The following FAM200B variants were observed in gnomAD, a reference collection of about 807,000 sequenced individuals.
FAM200B encodes the protein protein FAM200B.
A neutral mutation model predicts 33.1 loss-of-function variants in FAM200B; 32 were observed. The ratio of observed to expected loss-of-function variants is 0.97; its 90% CI spans 0.73 to 1.30. The LOEUF is 1.30. FAM200B is among the 50% of genes most tolerant of loss of function. The pLI is 0.00. For synonymous variants in FAM200B, 240 were observed against 264.8 expected (o/e 0.91, Z 0.91); for missense variants, 741 against 754.0 (o/e 0.98, Z 0.20).
At chr4:15,655,103 C>T in the FAM200B span, 2 of 949,302 alleles carry the variant, frequency 2.1e-6, no homozygotes, top group Non-Finnish European at 2.7e-6. Flanking sequence ...GGCGACGGCA[C>T]GGGGCTGCGG....
At chr4:15,660,401 TCAAAA>T in the FAM200B span, among the ~76,000 whole-genome samples, 1 of 152,060 alleles carries the variant, frequency 6.6e-6, no homozygotes, top group African/African-American at 2.4e-5. Flanking sequence ...TTTTAAAAAC[TCAAAA>T]CAGAGTACCA....
the FAM200B span, among the ~76,000 whole-genome samples, chr4:15,644,031 G>A: frequency 2.6e-4 from 40 of 152,088 alleles, no homozygotes; most frequent in Non-Finnish European, 5.1e-4. Context: ...GTTCTTGTTC[G>A]GCTTAGTCCA....
chr4:15,684,216 A>G (rs1718616255), intron 1 of FAM200B, among the ~76,000 whole-genome samples: 1 of 152,162 alleles, frequency 6.6e-6, no homozygotes, highest in Admixed American at 6.5e-5. Context: ...ATGGAATCAC[A>G]CTGGTGTACT....
rs547275482 is a variant in FAM200B at position 15,690,104 on chromosome 4, C to A, written c.*1153C>A. 3.0e-5 allele frequency: 5 copies of A among 167,214 alleles called. No homozygotes were observed. Among genetic ancestry groups the A allele is most frequent in the Middle Eastern group, 3.4e-3 (1 of 296 alleles). The allele number at this position is 167,214 out of a possible 1,614,324, so 10.4% of individuals were successfully genotyped here. On this transcript the variant is annotated 3_prime_UTR_variant, in exon 2 of 2. Transcript: ENST00000422728. Reference sequence around the variant, plus strand: ...TAATTATTAAATATGTGGCAAATTTCTTTGCCTTTTTACTTTTAAAAATCT... The same window carrying A: ...TAATTATTAAATATGTGGCAAATTTATTTGCCTTTTTACTTTTAAAAATCT...
the FAM200B span, among the ~76,000 whole-genome samples, chr4:15,664,639 C>T: frequency 7.1e-6 from 1 of 140,622 alleles, no homozygotes; most frequent in Non-Finnish European, 1.5e-5. Context: ...CTCACTGCAA[C>T]CTCTGCCTCC....
At chr4:15,659,456 T>G in the FAM200B span, among the ~76,000 whole-genome samples, 4 of 152,318 alleles carry the variant, frequency 2.6e-5, 1 homozygote. Context: ...CTGGGTAAGA[T>G]TCAGTTCTGG....
At chr4:15,660,082 A>ATT in the FAM200B span, among the ~76,000 whole-genome samples, 2 of 140,500 alleles carry the variant, frequency 1.4e-5, no homozygotes, top group Non-Finnish European at 1.6e-5. Flanking sequence ...TACCCCTGAC[A>ATT]TTTTTTTTTT....
At chr4:15,656,634 A>G in the FAM200B span, among the ~76,000 whole-genome samples, 2 of 152,358 alleles carry the variant, frequency 1.3e-5, no homozygotes, top group East Asian at 1.9e-4. Context: ...GTTAAACCAC[A>G]GACTCTGGAA....
Position 15,688,793 on chromosome 4 carries a change from A to G in FAM200B, c.1816A>G (p.Thr606Ala), listed in dbSNP as rs1338763256. 2 of 1,551,162 alleles carry G rather than the reference A, an allele frequency of 1.3e-6. No homozygotes were observed. Among genetic ancestry groups the G allele is most frequent in the African/African-American group, 2.7e-5 (2 of 73,004 alleles). Residue 606 changes from threonine (T) to alanine (A), a missense_variant, in exon 2 of 2, where the codon ACA (threonine) becomes GCA (alanine). Physicochemically the swap from Thr to Ala is moderately conservative, Grantham distance 58 (BLOSUM62 0). Transcript: ENST00000422728. ...RKSVLLLLPF[T>A]TTSLCELGFS... The stretch of plus-strand genomic sequence containing the variant: ...GAGTGTCCTGCTATTGCTACCATTC[A>G]CAACAACTAGTTTGTGTGAACTAGG...
At chr4:15,658,361 ATGTT>A in the FAM200B span, among the ~76,000 whole-genome samples, 1 of 152,228 alleles carries the variant, frequency 6.6e-6, no homozygotes, top group African/African-American at 2.4e-5. Flanking sequence ...TGTGGTTTGA[ATGTT>A]TGTCCTTTCT....
At chr4:15,646,028 A>G in the FAM200B span, among the ~76,000 whole-genome samples, 7 of 152,202 alleles carry the variant, frequency 4.6e-5, no homozygotes, top group African/African-American at 1.7e-4. Context: ...ACTGCAATAC[A>G]TAAGTAAATA....
upstream of FAM200B, among the ~76,000 whole-genome samples, chr4:15,676,694 G>C (rs775200205): frequency 5.9e-5 from 9 of 152,000 alleles, no homozygotes; most frequent in South Asian, 2.1e-4. Flanking sequence ...GAGTATTACG[G>C]GGGGGAGGGG....
At chr4:15,646,262 C>A in the FAM200B span, among the ~76,000 whole-genome samples, 1 of 152,110 alleles carries the variant, frequency 6.6e-6, no homozygotes, top group African/African-American at 2.4e-5. Flanking sequence ...AAATACTATT[C>A]TTCTTTTGAT....
At chr4:15,656,361 A>AG in the FAM200B span, 5 of 447,300 alleles carry the variant, frequency 1.1e-5, no homozygotes, top group African/African-American at 2.0e-5. Context: ...ATAGAGAAAT[A>AG]GGAGAAAACA....
chr4:15,646,680 A>G, the FAM200B span, among the ~76,000 whole-genome samples: 3 of 149,092 alleles, frequency 2.0e-5, no homozygotes, highest in Non-Finnish European at 3.0e-5. Context: ...ATATCTCCCA[A>G]TGCTATCCCT....
the FAM200B span, among the ~76,000 whole-genome samples, chr4:15,650,239 G>C: frequency 6.6e-6 from 1 of 152,186 alleles, no homozygotes. Context: ...TGTCAATAAT[G>C]CTTTGGTTAA....
chr4:15,666,231 A>G, the FAM200B span, among the ~76,000 whole-genome samples: 2 of 151,784 alleles, frequency 1.3e-5, no homozygotes, highest in African/African-American at 4.8e-5. Flanking sequence ...AGACTCCACC[A>G]CCACAAAAAG....
At chr4:15,679,594 C>T (rs1300273863), upstream of FAM200B, among the ~76,000 whole-genome samples, 1 of 150,024 alleles carries the variant, frequency 6.7e-6, no homozygotes, top group African/African-American at 2.5e-5. Context: ...AACAAAAAAC[C>T]AACACCCAAT....
At chr4:15,653,883 T>C in the FAM200B span, among the ~76,000 whole-genome samples, 1 of 152,152 alleles carries the variant, frequency 6.6e-6, no homozygotes, top group African/African-American at 2.4e-5. Flanking sequence ...AAATCCTAAT[T>C]TTAGTGACCT....
Sources: gnomAD v4.1 joint callset for allele counts (sites outside exome capture counted in the v4.1 genomes callset) on GRCh38, gnomAD v4.1.1 for gene constraint, MANE v1.5 for transcripts, NCBI Gene and HGNC (gene_info 2026-07-23, HGNC 2026-07-21) for gene names.